The following ANO2 variants were observed in gnomAD, a reference collection of about 807,000 sequenced individuals.
ANO2 encodes anoctamin 2.
A neutral mutation model predicts 124.2 loss-of-function variants in ANO2; 101 were observed. That is an observed-to-expected ratio of 0.81 (90% CI 0.69 to 0.96). The LOEUF is 0.96. Ranked by LOEUF, ANO2 falls within the 40% of genes least tolerant of loss-of-function variation. The pLI is 0.00. For synonymous variants in ANO2, 486 were observed against 482.5 expected (o/e 1.01, Z -0.09); for missense variants, 1,293 against 1,274.5 (o/e 1.01, Z -0.22).
intron 10 of ANO2, among the ~76,000 whole-genome samples, chr12:5,777,073 G>A (rs1952253649): frequency 6.6e-6 from 1 of 152,190 alleles, no homozygotes; most frequent in Non-Finnish European, 1.5e-5. Flanking sequence ...AATAAATATT[G>A]AGGGGCAAGA....
At chr12:5,607,622 G>A (rs1944284924) in intron 19 of ANO2, among the ~76,000 whole-genome samples, 1 of 152,072 alleles carries the variant, frequency 6.6e-6, no homozygotes, top group Non-Finnish European at 1.5e-5. Flanking sequence ...AGGTGAGTGA[G>A]TGAAGCTTCA....
chr12:5,653,236 C>T (rs371607), intron 14 of ANO2, among the ~76,000 whole-genome samples: 63,557 of 151,654 alleles, frequency 0.42, 15,357 homozygotes, highest in African/African-American at 0.65. Context: ...ACTTCATTAT[C>T]ATCATCTGCC....
rs191669425 is a variant in ANO2 at position 5,667,703 on chromosome 12, C to G, written c.1546-19902G>C. On this transcript the variant is annotated intron_variant, in intron 14 of 24. Coordinates refer to ENST00000682330, the MANE Select transcript of ANO2 (RefSeq NM_001364791.2). ...ATTTTGCCTAATGCTCTCCCTACCC[C>G]CTTCCATCTCCCAACAGGCCCCAGT... 2.4e-4 allele frequency among the ~76,000 whole-genome samples: 36 copies of G among 152,278 alleles called. 1 individual carries two copies. In the East Asian group the frequency reaches 4.4e-3, roughly 19 times the overall value.
rs145777929 is a variant in ANO2 at position 5,904,850 on chromosome 12, C to G, written c.534+16190G>C. Among the ~76,000 whole-genome samples the G allele has an allele frequency of 9.6e-4, 146 of 152,334 alleles. No individual in the cohort carries two copies. The highest frequency in any genetic ancestry group is 3.4e-3 in the African/African-American group (143 of 41,580). Reference sequence around the variant, plus strand: ...GGTATCTGCAGGGATCCAGCTCTTTCCCAACCCACAAGCTCCCACCTAGGC... The same window carrying G: ...GGTATCTGCAGGGATCCAGCTCTTTGCCAACCCACAAGCTCCCACCTAGGC... On this transcript the variant is annotated intron_variant, in intron 3 of 24. Coordinates refer to ENST00000682330, the MANE Select transcript of ANO2 (RefSeq NM_001364791.2). The surrounding 1 kb of genome is among the most constrained non-coding windows in gnomAD (Gnocchi z 4.1).
At chr12:5,679,935 C>T (rs145829446) in intron 14 of ANO2, among the ~76,000 whole-genome samples, 53 of 152,264 alleles carry the variant, frequency 3.5e-4, no homozygotes, top group East Asian at 1.4e-3. Flanking sequence ...GGTACAGATA[C>T]GCCATAGAAC....
rs115935217 is a variant in ANO2 at position 5,738,037 on chromosome 12, A to G, written c.1434+1280T>C. Among the ~76,000 whole-genome samples the G allele has an allele frequency of 6.3e-3, 957 of 152,280 alleles. 5 individuals carry two copies. Among genetic ancestry groups the G allele is most frequent in the African/African-American group, 0.022 (911 of 41,536 alleles). On this transcript the variant is annotated intron_variant, in intron 13 of 24. Transcript: ENST00000682330. ...GGTGGAGTGGGATGGGGATGCAATTAAGTGAGAACCCATGGGAGGTGGAGA... is the reference window on the plus strand; with the variant it reads ...GGTGGAGTGGGATGGGGATGCAATTGAGTGAGAACCCATGGGAGGTGGAGA...
intron 20 of ANO2, among the ~76,000 whole-genome samples, chr12:5,593,422 C>G (rs1197773713): frequency 6.6e-6 from 1 of 152,144 alleles, no homozygotes; most frequent in Non-Finnish European, 1.5e-5. Flanking sequence ...CAATAGAGCC[C>G]TGAGGGCTTA....
intron 17 of ANO2, 64 bp from the exon 18 acceptor site, chr12:5,613,022 T>C (rs941967904): frequency 6.6e-7 from 1 of 1,526,002 alleles, no homozygotes; most frequent in African/African-American, 1.4e-5. Flanking sequence ...CTCAAGGACA[T>C]GTCTTCTGAG....
At chr12:5,923,837 A>C (rs1941953186) in intron 1 of ANO2, among the ~76,000 whole-genome samples, 1 of 152,172 alleles carries the variant, frequency 6.6e-6, no homozygotes, top group Non-Finnish European at 1.5e-5. Context: ...CTCCTCTGAG[A>C]AACACTTCCT....
chr12:5,690,803 C>A (rs1948900284), intron 14 of ANO2, among the ~76,000 whole-genome samples: 1 of 152,146 alleles, frequency 6.6e-6, no homozygotes. Context: ...TAGAATGTCA[C>A]CCCATCCTGA....
At chr12:5,607,809 C>T (rs1054261753) in intron 19 of ANO2, among the ~76,000 whole-genome samples, 10 of 152,154 alleles carry the variant, frequency 6.6e-5, no homozygotes, top group African/African-American at 9.7e-5. Context: ...TACTGTCTCC[C>T]GTCACCCCCA....
intron 7 of ANO2, among the ~76,000 whole-genome samples, chr12:5,813,074 G>GAGGAAGGAAAGA (rs1953487294): frequency 6.8e-6 from 1 of 146,012 alleles, no homozygotes; most frequent in African/African-American, 2.5e-5. Flanking sequence ...GAAGACGAAA[G>GAGGAAGGAAAGA]AGGAAGGAAA....
At chr12:5,857,681 T>A (rs1955141077) in intron 3 of ANO2, among the ~76,000 whole-genome samples, 1 of 152,214 alleles carries the variant, frequency 6.6e-6, no homozygotes, top group Non-Finnish European at 1.5e-5. Context: ...TTTTATGAAG[T>A]GTTTATTTAG....
At chr12:5,832,682 T>G in intron 4 of ANO2, 79 bp from the exon 5 acceptor site, 1 of 1,434,976 alleles carries the variant, frequency 7.0e-7, no homozygotes. Flanking sequence ...AAAAGCTGCA[T>G]GGACACAGAT....
chr12:5,768,980 C>T (rs1951985635), intron 10 of ANO2, among the ~76,000 whole-genome samples: 1 of 152,146 alleles, frequency 6.6e-6, no homozygotes, highest in Non-Finnish European at 1.5e-5. Flanking sequence ...TCAGAAAGTA[C>T]AGTAACAAGA....
At chr12:5,647,126 T>A (rs1946678454) in intron 15 of ANO2, among the ~76,000 whole-genome samples, 1 of 152,216 alleles carries the variant, frequency 6.6e-6, no homozygotes, top group South Asian at 2.1e-4. Flanking sequence ...GATTTTTGCC[T>A]TCCCCAAGGT....
chr12:5,585,346 C>T (rs1452722708), intron 20 of ANO2, among the ~76,000 whole-genome samples: 1 of 152,118 alleles, frequency 6.6e-6, no homozygotes, highest in Non-Finnish European at 1.5e-5. Flanking sequence ...TTCAAAAAGC[C>T]TGGGAAGTCA....
At chr12:5,598,048 A>G (rs1053096182) in intron 20 of ANO2, among the ~76,000 whole-genome samples, 1 of 152,226 alleles carries the variant, frequency 6.6e-6, no homozygotes, top group African/African-American at 2.4e-5. Context: ...GGCTAGGACA[A>G]TATTTCCATG....
intron 13 of ANO2, among the ~76,000 whole-genome samples, chr12:5,734,147 A>G (rs1289392028): frequency 1.3e-5 from 2 of 152,246 alleles, no homozygotes; most frequent in African/African-American, 4.8e-5. Context: ...GGAAAACACT[A>G]GAACGTATCG....
Sources: allele counts gnomAD v4.1 joint callset (sites outside exome capture counted in the v4.1 genomes callset), GRCh38; gene constraint gnomAD v4.1.1; non-coding constraint Gnocchi (gnomAD v3.1); transcripts MANE v1.5; gene names NCBI Gene and HGNC (gene_info 2026-07-23, HGNC 2026-07-21).